Variants in HERC3 observed in about 807,000 individuals in gnomAD.
The protein encoded by HERC3 is probable E3 ubiquitin-protein ligase HERC3.
A neutral mutation model predicts 129.9 loss-of-function variants in HERC3; 58 were observed. That is an observed-to-expected ratio of 0.45 (90% CI 0.36 to 0.56). HERC3 has a LOEUF of 0.56. HERC3 is among the 20% of genes least tolerant of loss of function. The pLI is 0.00. For synonymous variants in HERC3, 430 were observed against 451.0 expected, an observed-to-expected ratio of 0.95 and a Z score of 0.59; for missense variants, 835 against 1,244.2, an observed-to-expected ratio of 0.67 and a Z score of 4.95.
chr4:88,632,617 A>C (rs1726899348), intron 3 of HERC3, among the ~76,000 whole-genome samples: 1 of 152,240 alleles, frequency 6.6e-6, no homozygotes, highest in South Asian at 2.1e-4. Context: ...CATAACTAAA[A>C]TGAGAAGCTC....
intron 13 of HERC3, 140 bp from the exon 14 acceptor site, chr4:88,667,752 A>G (rs1185670580): frequency 1.5e-6 from 1 of 674,080 alleles, no homozygotes; most frequent in African/African-American, 1.8e-5. Context: ...GGCCTAGACC[A>G]GTGTCAGGCT....
chr4:88,591,034 C>G (rs142949216), upstream of HERC3, among the ~76,000 whole-genome samples: 792 of 152,048 alleles, frequency 5.2e-3, 7 homozygotes, highest in Middle Eastern at 0.031. Context: ...GGACTACAGG[C>G]GCACACCACC....
In HERC3 at chr4:88,684,336, C is replaced by T. The variant is rs184153235; in HGVS notation, c.2508-2400C>T. On this transcript the variant is annotated intron_variant, in intron 21 of 25. Coordinates refer to ENST00000402738, the MANE Select transcript of HERC3 (RefSeq NM_014606.3). ...CACACATCTACAATCATCTGATTTT[C>T]GACAAACCTGACAAAAACAAGCAAT... Among the ~76,000 whole-genome samples the T allele has an allele frequency of 3.8e-4, 58 of 152,154 alleles. No homozygotes were observed. The East Asian group carries it at 9.7e-3, about 25-fold the overall frequency.
At chr4:88,631,874 C>T (rs1189268202) in intron 3 of HERC3, among the ~76,000 whole-genome samples, 1 of 152,166 alleles carries the variant, frequency 6.6e-6, no homozygotes, top group Non-Finnish European at 1.5e-5. Flanking sequence ...GCCTTCCTGT[C>T]TTCGACTGTA....
intron 3 of HERC3, among the ~76,000 whole-genome samples, chr4:88,608,032 G>A (rs1723864804): frequency 6.6e-6 from 1 of 152,098 alleles, no homozygotes; most frequent in Non-Finnish European, 1.5e-5. Context: ...GTTTTTTCTA[G>A]ATGATTTTAT....
chr4:88,693,142 T>A (rs560067469), intron 23 of HERC3: 1 of 985,266 alleles, frequency 1.0e-6, no homozygotes, highest in African/African-American at 1.7e-5. Context: ...TTCTGTTTCT[T>A]CACTGTTGAA....
At chr4:88,586,986 A>G in the HERC3 span, among the ~76,000 whole-genome samples, 4 of 152,348 alleles carry the variant, frequency 2.6e-5, no homozygotes, top group East Asian at 7.7e-4. Flanking sequence ...TCGAGAGCCA[A>G]CAGAAAGAGA....
At chr4:88,542,554 A>G in the HERC3 span, among the ~76,000 whole-genome samples, 1 of 152,238 alleles carries the variant, frequency 6.6e-6, no homozygotes, top group Non-Finnish European at 1.5e-5. Context: ...TCCAATCAAT[A>G]GAAACAAAGG....
At chr4:88,693,318 A>G (rs910362972) in intron 23 of HERC3, 5 of 964,096 alleles carry the variant, frequency 5.2e-6, no homozygotes, top group African/African-American at 1.8e-5. Context: ...ATTAAAATGT[A>G]TAACATTTGA....
At chr4:88,573,040 G>T in the HERC3 span, among the ~76,000 whole-genome samples, 3 of 152,158 alleles carry the variant, frequency 2.0e-5, no homozygotes, top group Admixed American at 1.3e-4. Flanking sequence ...AACAGGAAAA[G>T]TATTCACTGG....
At chr4:88,680,997 A>T (rs1732714271) in intron 20 of HERC3, 162 bp from the exon 21 acceptor site, 2 of 981,518 alleles carry the variant, frequency 2.0e-6, no homozygotes, top group Non-Finnish European at 2.4e-6. Flanking sequence ...TCTTTAAGGG[A>T]TAACAACTTT....
At chr4:88,565,178 T>C in the HERC3 span, among the ~76,000 whole-genome samples, 1 of 152,108 alleles carries the variant, frequency 6.6e-6, no homozygotes, top group African/African-American at 2.4e-5. Context: ...TTGAGAATGA[T>C]CCATGTGCTG....
the HERC3 span, among the ~76,000 whole-genome samples, chr4:88,532,637 G>A: frequency 6.6e-6 from 1 of 152,124 alleles, no homozygotes; most frequent in Non-Finnish European, 1.5e-5. Flanking sequence ...GCATCCCTCA[G>A]CTCAGTCAAG....
At chr4:88,589,995 C>T (rs1024690727), upstream of HERC3, among the ~76,000 whole-genome samples, 5 of 152,228 alleles carry the variant, frequency 3.3e-5, no homozygotes, top group East Asian at 5.8e-4. Context: ...CCGGCCGGCA[C>T]GGAGGCTCAC....
chr4:88,548,869 G>A, the HERC3 span, among the ~76,000 whole-genome samples: 3 of 152,022 alleles, frequency 2.0e-5, no homozygotes, highest in Non-Finnish European at 4.4e-5. Context: ...CACCATGTTA[G>A]CCAGGATGAT....
chr4:88,696,460 G>A (rs888035818), intron 23 of HERC3: 1 of 152,484 alleles, frequency 6.6e-6, no homozygotes, highest in Non-Finnish European at 1.5e-5. Flanking sequence ...TATTTTTTAC[G>A]TGTTTGTAAA....
At position 88,707,469 on chromosome 4, in the gene HERC3, A is replaced by C; in HGVS notation, c.*509A>C. 6.5e-6 allele frequency: 1 copy of C among 153,232 alleles called. No homozygotes were observed. The highest frequency in any genetic ancestry group is 1.5e-5 in the Non-Finnish European group (1 of 68,578). The allele number at this position is 153,232 out of a possible 1,614,324, so 9.5% of individuals were successfully genotyped here. On this transcript the variant is annotated 3_prime_UTR_variant, in exon 26 of 26. Coordinates refer to ENST00000402738, the MANE Select transcript of HERC3 (RefSeq NM_014606.3). ...TCTGGCTTGTTGCAGCCCTCCTTTA[A>C]CCCAAAGGAGGAAAGGACTGCTTCA...
At chr4:88,542,130 A>G in the HERC3 span, among the ~76,000 whole-genome samples, 1 of 152,168 alleles carries the variant, frequency 6.6e-6, no homozygotes, top group Non-Finnish European at 1.5e-5. Context: ...GACACAAAAA[A>G]CCCTTCAAAA....
chr4:88,548,664 CT>C, the HERC3 span, among the ~76,000 whole-genome samples: 372 of 139,682 alleles, frequency 2.7e-3, no homozygotes, highest in Admixed American at 3.6e-3. Context: ...GTCATCTTTT[CT>C]TTTTTTTTTT....
Sources: gnomAD v4.1 joint callset for allele counts (sites outside exome capture counted in the v4.1 genomes callset) on GRCh38, gnomAD v4.1.1 for gene constraint, MANE v1.5 for transcripts, NCBI Gene and HGNC (gene_info 2026-07-23, HGNC 2026-07-21) for gene names.